Variants in SLC4A10 observed in about 807,000 individuals in gnomAD.
SLC4A10 encodes the protein solute carrier family 4 member 10.
In SLC4A10, 42 loss-of-function variants were observed where a neutral mutation model predicts 137.7. The observed-to-expected ratio is 0.30, with a 90% CI of 0.24 to 0.39. The LOEUF is 0.39. Among genes scored for constraint, SLC4A10 ranks in the 10% least tolerant of loss-of-function variants. SLC4A10 has a pLI of 1.00. For missense variants in SLC4A10, 925 were observed against 1,355.0 expected (o/e 0.68, Z 4.98); for synonymous variants, 474 against 464.1 (o/e 1.02, Z -0.27).
At chr2:161,700,128 T>G (rs1211644288) in intron 1 of SLC4A10, among the ~76,000 whole-genome samples, 3 of 152,140 alleles carry the variant, frequency 2.0e-5, no homozygotes, top group Non-Finnish European at 2.9e-5. Context: ...GCTGTTGGGT[T>G]TAGGTAGAGT....
At chr2:161,840,033 A>G (rs1193203165) in intron 4 of SLC4A10, 106 bp downstream of exon 4, 2 of 1,397,034 alleles carry the variant, frequency 1.4e-6, no homozygotes, top group Non-Finnish European at 2.0e-6. Flanking sequence ...ATTGCTGCTG[A>G]TTTTAGAAGT....
chr2:161,852,414 A>G (rs1381467687), intron 4 of SLC4A10, among the ~76,000 whole-genome samples: 1 of 152,158 alleles, frequency 6.6e-6, no homozygotes, highest in Non-Finnish European at 1.5e-5. Context: ...TAGAAGATTT[A>G]ATAAAAGTTG....
intron 2 of SLC4A10, among the ~76,000 whole-genome samples, chr2:161,791,992 C>T (rs1023402382): frequency 6.6e-6 from 1 of 152,064 alleles, no homozygotes; most frequent in African/African-American, 2.4e-5. Context: ...TTTGGGGGTC[C>T]TGGTTATACA....
chr2:161,983,302 A>C lies in SLC4A10; in HGVS notation c.*150A>C. 1 of 1,456,720 alleles carries C rather than the reference A, an allele frequency of 6.9e-7. No homozygotes were observed. Among genetic ancestry groups the C allele is most frequent in the African/African-American group, 1.4e-5 (1 of 71,186 alleles). The allele number at this position is 1,456,720 out of a possible 1,614,324, so 90.2% of individuals were successfully genotyped here. ...TGAGAAGAGTGTCACAATTATTAAT[A>C]AAACTGCTTTGATCATGTATTGTAA... On this transcript the variant is annotated 3_prime_UTR_variant, in exon 27 of 27. Coordinates refer to ENST00000446997, the MANE Select transcript of SLC4A10 (RefSeq NM_001178015.2).
chr2:161,786,523 T>C (rs1176011959), intron 2 of SLC4A10, among the ~76,000 whole-genome samples: 1 of 151,944 alleles, frequency 6.6e-6, no homozygotes, highest in African/African-American at 2.4e-5. Flanking sequence ...TTTGTACTTA[T>C]ATGAGCTTTT....
At chr2:161,676,423 A>T (rs2040281982) in intron 1 of SLC4A10, among the ~76,000 whole-genome samples, 1 of 152,102 alleles carries the variant, frequency 6.6e-6, no homozygotes, top group Non-Finnish European at 1.5e-5. Flanking sequence ...TGTATGTCAA[A>T]CTTCTCATTT....
At chr2:161,679,905 T>G (rs912085741) in intron 1 of SLC4A10, among the ~76,000 whole-genome samples, 1 of 152,088 alleles carries the variant, frequency 6.6e-6, no homozygotes, top group African/African-American at 2.4e-5. Context: ...AGCCTGTCAC[T>G]TAGGACTTTA....
chr2:161,955,386 T>G (rs1695473841), intron 19 of SLC4A10, among the ~76,000 whole-genome samples: 1 of 152,296 alleles, frequency 6.6e-6, no homozygotes, highest in South Asian at 2.1e-4. Flanking sequence ...ACTCTTCAAC[T>G]CTTACTAATC....
chr2:161,627,127 G>A (rs1323464050), intron 1 of SLC4A10, among the ~76,000 whole-genome samples: 1 of 152,064 alleles, frequency 6.6e-6, no homozygotes, highest in Non-Finnish European at 1.5e-5. Flanking sequence ...TTTAGTAAGT[G>A]TTCAATAAAA....
At position 161,862,898 on chromosome 2, in the gene SLC4A10, G is replaced by C; in HGVS notation, c.602G>C (p.Ser201Thr). 6.2e-7 allele frequency: 1 copy of C among 1,608,158 alleles called. No individual in the cohort carries two copies. The highest frequency in any genetic ancestry group is 2.2e-5 in the East Asian group (1 of 44,742). ...IADMVLDQQVSSGQLNEDVRH... is the reference protein window; with the variant it reads ...IADMVLDQQVTSGQLNEDVRH... ...GATATGGTTCTTGACCAACAAGTGA[G>C]CTCAGGTCAGCTGAATGAAGATGTA... The change falls in exon 6 of 27, where the codon AGC becomes ACC. Residue 201 changes from serine (S) to threonine (T), a missense_variant. Around this residue, in one of 11 missense-constraint regions of SLC4A10, gnomAD observed 277 missense variants for 306.1 expected, o/e 0.90. Transcript: ENST00000446997.
At position 161,873,912 on chromosome 2, in the gene SLC4A10, G is replaced by T. The variant is rs773147508; in HGVS notation, c.859-4G>T. ...CAGCTTAAGTCTGTTAATTATGCGT[G>T]CAGGGACTGGGAGGCCAACAAAAGG... On this transcript the variant is annotated splice_polypyrimidine_tract_variant and splice_region_variant and intron_variant, in intron 7 of 26. Transcript: ENST00000446997. 1 of 1,591,670 alleles carries T rather than the reference G, an allele frequency of 6.3e-7. No individual in the cohort carries two copies. Among genetic ancestry groups the T allele is most frequent in the Admixed American group, 1.7e-5 (1 of 59,210 alleles).
intron 1 of SLC4A10, among the ~76,000 whole-genome samples, chr2:161,677,290 A>C (rs376614336): frequency 6.6e-6 from 1 of 152,130 alleles, no homozygotes; most frequent in African/African-American, 2.4e-5. Context: ...CCTCACTGGA[A>C]GCAGATGCTG....
At chr2:161,928,186 G>A (rs1193486790) in intron 15 of SLC4A10, among the ~76,000 whole-genome samples, 1 of 148,812 alleles carries the variant, frequency 6.7e-6, no homozygotes, top group Non-Finnish European at 1.5e-5. Context: ...GGAATACTAT[G>A]CAGCCATAAA....
chr2:161,644,070 T>TTC (rs1306677618), intron 1 of SLC4A10, among the ~76,000 whole-genome samples: 1 of 150,968 alleles, frequency 6.6e-6, no homozygotes, highest in East Asian at 1.9e-4. Context: ...CTTCTAATCT[T>TTC]TTTTTTTTTT....
intron 1 of SLC4A10, among the ~76,000 whole-genome samples, chr2:161,751,068 T>C (rs1414145872): frequency 6.6e-6 from 1 of 151,790 alleles, no homozygotes; most frequent in Non-Finnish European, 1.5e-5. Context: ...GCATGAAATA[T>C]CTTTTTCCAT....
intron 10 of SLC4A10, among the ~76,000 whole-genome samples, chr2:161,887,837 T>C (rs954581026): frequency 6.6e-6 from 1 of 152,206 alleles, no homozygotes; most frequent in South Asian, 2.1e-4. Flanking sequence ...TTTTGGCTTT[T>C]GTTGCCATTG....
intron 1 of SLC4A10, among the ~76,000 whole-genome samples, chr2:161,732,579 C>T (rs2046928755): frequency 6.6e-6 from 1 of 152,154 alleles, no homozygotes; most frequent in Non-Finnish European, 1.5e-5. Flanking sequence ...GTATGTCTCC[C>T]AGAGCAAGGC....
At chr2:161,700,539 A>G (rs1047046280) in intron 1 of SLC4A10, among the ~76,000 whole-genome samples, 1 of 152,176 alleles carries the variant, frequency 6.6e-6, no homozygotes, top group Non-Finnish European at 1.5e-5. Flanking sequence ...AGTGAAGATG[A>G]TAACAATAAT....
chr2:161,702,009 A>C (rs972095166), intron 1 of SLC4A10, among the ~76,000 whole-genome samples: 5 of 151,874 alleles, frequency 3.3e-5, no homozygotes, highest in African/African-American at 1.2e-4. Context: ...GTTCCTCAAA[A>C]ACTAAAAATA....
Sources: allele counts gnomAD v4.1 joint callset (sites outside exome capture counted in the v4.1 genomes callset), GRCh38; gene constraint gnomAD v4.1.1; regional missense constraint gnomAD v4.1.1; transcripts MANE v1.5; gene names NCBI Gene and HGNC (gene_info 2026-07-23, HGNC 2026-07-21).